Variants in RAI2 observed in about 807,000 individuals in gnomAD.
The protein encoded by RAI2 is retinoic acid induced 2, also known as retinoic acid-induced protein 2.
RAI2 carries 5 observed loss-of-function variants against 15.3 expected under a neutral mutation model. The observed-to-expected ratio is 0.33, with a 90% CI of 0.17 to 0.69. RAI2 has a LOEUF of 0.69. Among genes scored for constraint, RAI2 ranks in the 30% least tolerant of loss-of-function variants. The pLI is 0.69. For missense variants in RAI2, 424 were observed against 424.7 expected (o/e 1.00, Z 0.01); for synonymous variants, 191 against 184.0 (o/e 1.04, Z -0.31).
At chrX:17,856,271 T>C (rs1417345048) in intron 1 of RAI2, among the ~76,000 whole-genome samples, 1 of 112,228 alleles carries the variant, frequency 8.9e-6, no homozygotes, top group Non-Finnish European at 1.9e-5. Context: ...TGAATGTGTC[T>C]GTCCCCTCCA....
At chrX:17,843,187 T>C (rs2067418589) in intron 1 of RAI2, among the ~76,000 whole-genome samples, 1 of 111,897 alleles carries the variant, frequency 8.9e-6, no homozygotes, top group Non-Finnish European at 1.9e-5. Flanking sequence ...CACACTTGCC[T>C]GTGGGTTTTG....
At chrX:17,802,173 G>C (rs2066921716) in intron 1 of RAI2, 139 bp from the exon 2 acceptor site, 1 of 758,185 alleles carries the variant, frequency 1.3e-6, no homozygotes, top group Non-Finnish European at 1.8e-6. Flanking sequence ...TATATGTTCA[G>C]GTTATAGATA....
chrX:17,805,076 G>A (rs370551893), intron 1 of RAI2, among the ~76,000 whole-genome samples: 6 of 112,617 alleles, frequency 5.3e-5, no homozygotes, highest in African/African-American at 1.6e-4. Context: ...TTTTGTTGGT[G>A]GAAAAACTGA....
At chrX:17,855,207 G>C (rs1457956103) in intron 1 of RAI2, among the ~76,000 whole-genome samples, 2 of 112,058 alleles carry the variant, frequency 1.8e-5, no homozygotes, top group Non-Finnish European at 1.9e-5. Flanking sequence ...GGAAATGACA[G>C]TGTGCATTCT....
rs778147373 is a variant in RAI2 at position 17,800,410 on chromosome X, G to A, written c.*8C>T. The A allele has an allele frequency of 2.7e-5, 32 of 1,168,999 alleles. No homozygotes were observed. Among genetic ancestry groups the A allele is most frequent in the Non-Finnish European group, 3.7e-5 (32 of 874,341 alleles). On this transcript the variant is annotated 3_prime_UTR_variant, in exon 2 of 2. Coordinates refer to ENST00000451717, the MANE Select transcript of RAI2 (RefSeq NM_021785.6). ...ATTATAATCATACAAATTTTAAAAA[G>A]CCGTTATTTACTTTCTTGGAAAAAA... is the stretch of plus-strand genomic sequence containing the variant.
chrX:17,801,526 G>C lies in RAI2; in HGVS notation c.485C>G (p.Pro162Arg). 8.3e-7 allele frequency: 1 copy of C among 1,200,779 alleles called. No individual in the cohort carries two copies. The highest frequency in any genetic ancestry group is 1.1e-6 in the Non-Finnish European group (1 of 889,743). The change falls in exon 2 of 2, where the codon CCC becomes CGC. Residue 162 changes from proline to arginine, a missense_variant. By Grantham distance (103) the Pro-to-Arg change is moderately radical. Transcript: ENST00000451717. ...HNNLFQGAED[P>R]EAQPQLLDLR... Reference sequence around the variant, plus strand: ...GTCCAGGAGCTGGGGCTGGGCCTCGGGGTCCTCCGCTCCCTGGAAGAGGTT... The same window carrying C: ...GTCCAGGAGCTGGGGCTGGGCCTCGCGGTCCTCCGCTCCCTGGAAGAGGTT...
intron 1 of RAI2, among the ~76,000 whole-genome samples, chrX:17,850,153 AC>A (rs1009027194): frequency 8.9e-6 from 1 of 111,985 alleles, no homozygotes; most frequent in Admixed American, 9.4e-5. Context: ...CTTTTATTCA[AC>A]CTTATTAGGG....
At chrX:17,854,486 T>C (rs1287782168) in intron 1 of RAI2, among the ~76,000 whole-genome samples, 1 of 112,196 alleles carries the variant, frequency 8.9e-6, no homozygotes, top group African/African-American at 3.2e-5. Context: ...CCTATGTTCA[T>C]ACAGTCAGCC....
Position 17,801,309 on chromosome X carries a change from A to G in RAI2, c.702T>C (p.Tyr234=). The change falls in exon 2 of 2, where the codon TAT becomes TAC. Residue 234 remains tyrosine, a synonymous_variant. Coordinates refer to ENST00000451717, the MANE Select transcript of RAI2 (RefSeq NM_021785.6). The part of the protein sequence containing the change: ...LVPPATLLVP[Y]PVIVPLPVPV... ...GCACAGGCAAGGGGACGATTACAGG[A>G]TACGGCACCAAGAGGGTGGCTGGTG... 8.5e-7 allele frequency: 1 copy of G among 1,175,169 alleles called. No homozygotes were observed. The highest frequency in any genetic ancestry group is 1.1e-6 in the Non-Finnish European group (1 of 876,954).
intron 1 of RAI2, among the ~76,000 whole-genome samples, chrX:17,838,584 G>A (rs775453481): frequency 9.1e-6 from 1 of 109,996 alleles, no homozygotes; most frequent in South Asian, 4.0e-4. Context: ...CATGAGCCCA[G>A]AGGTCTTTGG....
At chrX:17,844,429 A>C (rs2147270161) in intron 1 of RAI2, among the ~76,000 whole-genome samples, 1 of 112,796 alleles carries the variant, frequency 8.9e-6, no homozygotes, top group African/African-American at 3.2e-5. Context: ...AGGCAGATAA[A>C]GCAAGCTTGG....
intron 1 of RAI2, among the ~76,000 whole-genome samples, chrX:17,825,334 T>G (rs1325286195): frequency 8.9e-6 from 1 of 112,689 alleles, no homozygotes; most frequent in Non-Finnish European, 1.9e-5. Flanking sequence ...TCTTTAAGGA[T>G]TTATTCTGAG....
chrX:17,848,134 T>A (rs1292106433), intron 1 of RAI2, among the ~76,000 whole-genome samples: 3 of 111,139 alleles, frequency 2.7e-5, no homozygotes, highest in Non-Finnish European at 5.7e-5. Flanking sequence ...ATTATCAGCA[T>A]CTAAGTGCTG....
intron 1 of RAI2, among the ~76,000 whole-genome samples, chrX:17,860,891 G>C (rs1037290128): frequency 7.6e-5 from 8 of 105,030 alleles, no homozygotes; most frequent in African/African-American, 2.4e-4. Context: ...ACGGGCGGCG[G>C]CCTCGGCCCG....
chrX:17,842,375 C>A (rs1010016382), intron 1 of RAI2, among the ~76,000 whole-genome samples: 1 of 111,540 alleles, frequency 9.0e-6, no homozygotes, highest in African/African-American at 3.3e-5. Flanking sequence ...TGAGGATAAA[C>A]TGTCGTCATT....
intron 1 of RAI2, among the ~76,000 whole-genome samples, chrX:17,811,272 T>TGAGA (rs1476452884): frequency 8.9e-6 from 1 of 112,136 alleles, no homozygotes; most frequent in Non-Finnish European, 1.9e-5. Flanking sequence ...CAGGGGACTG[T>TGAGA]GAGAGTCAGC....
chrX:17,836,173 G>A (rs1358987141), intron 1 of RAI2, among the ~76,000 whole-genome samples: 1 of 110,221 alleles, frequency 9.1e-6, no homozygotes, highest in African/African-American at 3.3e-5. Context: ...AAACAGTATC[G>A]GGAGTGACAA....
At chrX:17,823,092 C>T (rs2067185904) in intron 1 of RAI2, among the ~76,000 whole-genome samples, 1 of 112,647 alleles carries the variant, frequency 8.9e-6, no homozygotes, top group African/African-American at 3.2e-5. Flanking sequence ...AGATGCCCAA[C>T]TCAGCCACTG....
At chrX:17,846,120 A>G (rs2067453283) in intron 1 of RAI2, among the ~76,000 whole-genome samples, 1 of 111,586 alleles carries the variant, frequency 9.0e-6, no homozygotes, top group Non-Finnish European at 1.9e-5. Flanking sequence ...TGCCTTTTCT[A>G]TTCCCAAGCT....
Sources: gnomAD v4.1 joint callset for allele counts (sites outside exome capture counted in the v4.1 genomes callset) on GRCh38, gnomAD v4.1.1 for gene constraint, MANE v1.5 for transcripts, NCBI Gene and HGNC (gene_info 2026-07-23, HGNC 2026-07-21) for gene names.